The following ATF7IP2 variants were observed in gnomAD, a reference collection of about 807,000 sequenced individuals.
The protein encoded by ATF7IP2 is activating transcription factor 7-interacting protein 2.
A neutral mutation model predicts 64.2 loss-of-function variants in ATF7IP2; 42 were observed. That is an observed-to-expected ratio of 0.65 (90% CI 0.51 to 0.85). The LOEUF (loss-of-function observed/expected upper bound fraction) is 0.85, where lower values mean the gene tolerates loss of function less well. ATF7IP2 is among the 40% of genes least tolerant of loss of function. ATF7IP2 has a pLI of 0.00. For missense variants in ATF7IP2, 933 were observed against 784.2 expected, an observed-to-expected ratio of 1.19 and a Z score of -2.27; for synonymous variants, 308 against 272.8, an observed-to-expected ratio of 1.13 and a Z score of -1.27.
chr16:10,413,898 T>C (rs1347338680), intron 1 of ATF7IP2, among the ~76,000 whole-genome samples: 1 of 152,230 alleles, frequency 6.6e-6, no homozygotes, highest in Non-Finnish European at 1.5e-5. Context: ...CCGAGAAATC[T>C]GCTGTTTATG....
intron 1 of ATF7IP2, among the ~76,000 whole-genome samples, chr16:10,400,887 G>A (rs1174660745): frequency 6.6e-6 from 1 of 151,898 alleles, no homozygotes; most frequent in East Asian, 1.9e-4. Context: ...TCGCCATGTT[G>A]TGGCCAGGCT....
intron 5 of ATF7IP2, 142 bp from the exon 6 acceptor site, chr16:10,433,383 C>A: frequency 3.1e-6 from 2 of 638,832 alleles, no homozygotes; most frequent in Non-Finnish European, 5.3e-6. Context: ...CTATGTTGCC[C>A]AGGCTGGTCT....
Position 10,482,257 on chromosome 16 carries a change from T to G in ATF7IP2, c.*8T>G. On this transcript the variant is annotated 3_prime_UTR_variant, in exon 14 of 14. Coordinates refer to ENST00000562102, the MANE Select transcript of ATF7IP2 (RefSeq NM_001393719.1). ...TCTGAAAATCTTACGTAAAAGGTGTTTAATAATGATATACTACTTTTTTTT... is the reference window on the plus strand; with the variant it reads ...TCTGAAAATCTTACGTAAAAGGTGTGTAATAATGATATACTACTTTTTTTT... 2 of 1,539,126 alleles carry G rather than the reference T, an allele frequency of 1.3e-6. No individual in the cohort carries two copies. Among genetic ancestry groups the G allele is most frequent in the South Asian group, 2.4e-5 (2 of 82,198 alleles).
Position 10,473,580 on chromosome 16 carries a change from TA to T in ATF7IP2, c.1482+47del, listed in dbSNP as rs757666621. 6 of 1,338,844 alleles carry T rather than the reference TA, an allele frequency of 4.5e-6. No individual in the cohort carries two copies. In the African/African-American group the frequency reaches 8.9e-5, roughly 20 times the overall value. 82.9% of individuals were successfully genotyped at this position (1,338,844 alleles called of 1,614,324 possible). A position where few individuals can be genotyped will look rare whatever the true frequency, so the allele number is the denominator to read the frequency against. On this transcript the variant is annotated intron_variant, in intron 11 of 13. Transcript: ENST00000562102. ...CTGAATATTGTTTATTTAAATATGTTAGTTCAAGGAACTTTAGTGTTTGCTA... is the reference window on the plus strand; with the variant it reads ...CTGAATATTGTTTATTTAAATATGTTGTTCAAGGAACTTTAGTGTTTGCTA...
intron 8 of ATF7IP2, among the ~76,000 whole-genome samples, chr16:10,453,277 A>G (rs1268837323): frequency 6.6e-6 from 1 of 152,194 alleles, no homozygotes; most frequent in Non-Finnish European, 1.5e-5. Flanking sequence ...AAAATGCAGT[A>G]TCTGGGCTGG....
rs568795420 is a variant in ATF7IP2, at chr16:10,430,074, G to A, written c.-10-537G>A. On this transcript the variant is annotated intron_variant, in intron 4 of 13. Coordinates refer to ENST00000562102, the MANE Select transcript of ATF7IP2 (RefSeq NM_001393719.1). ...TCACCACGTTGACCAAGCTGGTCTC[G>A]AACCCCTTACTGCAAATAATCCTTC... Among the ~76,000 whole-genome samples the A allele has an allele frequency of 4.0e-5, 6 of 151,768 alleles. No individual in the cohort carries two copies. The South Asian group carries it at 1.0e-3, about 26-fold the overall frequency.
Position 10,482,580 on chromosome 16 carries a change from A to G in ATF7IP2, c.*331A>G, listed in dbSNP as rs961874337. On this transcript the variant is annotated 3_prime_UTR_variant, in exon 14 of 14. Coordinates refer to ENST00000562102, the MANE Select transcript of ATF7IP2 (RefSeq NM_001393719.1). ...GCAGCCACTGTTTCCTCCGTTAACAATCAGCTTTTAGTAACCTGCTGTGGT... is the reference window on the plus strand; with the variant it reads ...GCAGCCACTGTTTCCTCCGTTAACAGTCAGCTTTTAGTAACCTGCTGTGGT... The G allele has an allele frequency of 1.1e-5, 2 of 186,840 alleles. No homozygotes were observed. Among genetic ancestry groups the G allele is most frequent in the African/African-American group, 4.8e-5 (2 of 42,076 alleles). 11.6% of individuals were successfully genotyped at this position (186,840 alleles called of 1,614,324 possible).
At chr16:10,438,261 T>A in intron 7 of ATF7IP2, 26 bp downstream of exon 7, 1 of 1,592,670 alleles carries the variant, frequency 6.3e-7, no homozygotes, top group Non-Finnish European at 8.5e-7. Flanking sequence ...ATTTGAGTCT[T>A]TTTTAGGGGA....
intron 1 of ATF7IP2, among the ~76,000 whole-genome samples, chr16:10,405,950 G>A (rs896785169): frequency 2.6e-5 from 4 of 152,114 alleles, no homozygotes; most frequent in African/African-American, 7.2e-5. Flanking sequence ...CTAGCTGGGT[G>A]TGGTGGCACG....
chr16:10,463,444 T>G (rs1311362680), intron 9 of ATF7IP2, among the ~76,000 whole-genome samples: 1 of 152,250 alleles, frequency 6.6e-6, no homozygotes, highest in Admixed American at 6.5e-5. Flanking sequence ...TAAAAGACAT[T>G]AGCTTCCTTG....
intron 7 of ATF7IP2, 148 bp from the exon 8 acceptor site, chr16:10,440,216 G>T (rs1450840067): frequency 9.6e-6 from 4 of 417,006 alleles, no homozygotes; most frequent in Non-Finnish European, 1.7e-5. Context: ...CATAAAATGT[G>T]ATTTCAAGCT....
rs867328397 is a variant in ATF7IP2, at chr16:10,409,222, C to T, written c.-241-5352C>T. Reference sequence around the variant, plus strand: ...GGGGATGTGAGTTACAGTGGTGGGACGTGTGGTTTCGAAGGGTGGAATGGG... The same window carrying T: ...GGGGATGTGAGTTACAGTGGTGGGATGTGTGGTTTCGAAGGGTGGAATGGG... On this transcript the variant is annotated intron_variant, in intron 1 of 13. Transcript: ENST00000562102. Among the ~76,000 whole-genome samples, 16 of 151,956 alleles carry T rather than the reference C, an allele frequency of 1.1e-4. No individual in the cohort carries two copies. In the East Asian group the frequency reaches 1.4e-3, roughly 13 times the overall value.
chr16:10,465,120 A>G (rs1484403058), intron 9 of ATF7IP2, among the ~76,000 whole-genome samples: 1 of 152,156 alleles, frequency 6.6e-6, no homozygotes. Context: ...GTGAGCCACC[A>G]CGCCTGTCCA....
At chr16:10,456,637 T>C (rs1203681020) in intron 8 of ATF7IP2, among the ~76,000 whole-genome samples, 1 of 152,050 alleles carries the variant, frequency 6.6e-6, no homozygotes, top group African/African-American at 2.4e-5. Context: ...TGCCATTGGG[T>C]GGGAAATTCA....
intron 1 of ATF7IP2, among the ~76,000 whole-genome samples, chr16:10,391,167 A>AT (rs1490748192): frequency 6.6e-6 from 1 of 151,748 alleles, no homozygotes; most frequent in African/African-American, 2.4e-5. Context: ...AAAAAAAAAA[A>AT]AAAATGTGCT....
intron 12 of ATF7IP2, among the ~76,000 whole-genome samples, 197 bp downstream of exon 12, chr16:10,474,186 C>G (rs1216530834): frequency 1.3e-5 from 2 of 152,140 alleles, no homozygotes; most frequent in African/African-American, 2.4e-5. Context: ...CCCCTTTATA[C>G]TCACACCTTG....
chr16:10,388,621 A>T (rs1023488953), intron 1 of ATF7IP2, among the ~76,000 whole-genome samples: 1 of 152,212 alleles, frequency 6.6e-6, no homozygotes, highest in Non-Finnish European at 1.5e-5. Flanking sequence ...AGGAGAGAAT[A>T]ACTCTGGGTG....
chr16:10,437,830 C>G (rs1264959803), intron 6 of ATF7IP2, among the ~76,000 whole-genome samples: 2 of 152,060 alleles, frequency 1.3e-5, no homozygotes, highest in Non-Finnish European at 2.9e-5. Context: ...GTATGGAATT[C>G]AAGTGGAACT....
rs185156916 is a variant in ATF7IP2 at position 10,439,442 on chromosome 16, G to A, written c.1096-922G>A. 2.4e-3 allele frequency among the ~76,000 whole-genome samples: 364 copies of A among 151,530 alleles called. 1 individual carries two copies. The highest frequency in any genetic ancestry group is 8.4e-3 in the African/African-American group (346 of 41,320). On this transcript the variant is annotated intron_variant, in intron 7 of 13. Coordinates refer to ENST00000562102, the MANE Select transcript of ATF7IP2 (RefSeq NM_001393719.1). ...AGTAGAGACGGGTTTCACTGTATTA[G>A]CGTTGATGGTCTCAATCTCCTGACC...
Sources: allele counts gnomAD v4.1 joint callset (sites outside exome capture counted in the v4.1 genomes callset), GRCh38; gene constraint gnomAD v4.1.1; transcripts MANE v1.5; gene names NCBI Gene and HGNC (gene_info 2026-07-23, HGNC 2026-07-21).